Variants in TENM4 observed in about 807,000 individuals in gnomAD.
TENM4 encodes the protein teneurin transmembrane protein 4, also known as teneurin-4.
Under a neutral mutation model 243.3 loss-of-function variants are expected in TENM4, and 82 were observed. That is an observed-to-expected ratio of 0.34 (90% CI 0.28 to 0.40). TENM4 has a LOEUF of 0.40. TENM4 is among the 10% of genes least tolerant of loss of function. TENM4 has a pLI of 1.00. For synonymous variants in TENM4, 1,412 were observed against 1,456.3 expected (o/e 0.97, Z 0.69); for missense variants, 3,138 against 3,673.3 (o/e 0.85, Z 3.77).
chr11:78,768,925 T>C (rs969166981), intron 18 of TENM4, among the ~76,000 whole-genome samples: 1 of 152,210 alleles, frequency 6.6e-6, no homozygotes, highest in Admixed American at 6.5e-5. Context: ...AAGGATACAC[T>C]TGAATTGCAT....
intron 2 of TENM4, among the ~76,000 whole-genome samples, chr11:79,243,321 T>C (rs897413761): frequency 1.3e-5 from 2 of 152,172 alleles, no homozygotes; most frequent in African/African-American, 4.8e-5. Flanking sequence ...TGTCTTGTCG[T>C]TGTACTCGGA....
chr11:79,172,558 C>T (rs937462774), intron 3 of TENM4, among the ~76,000 whole-genome samples: 1 of 152,168 alleles, frequency 6.6e-6, no homozygotes, highest in African/African-American at 2.4e-5. Flanking sequence ...AAGTTATATC[C>T]CACGTGGCCT....
Position 79,139,777 on chromosome 11 carries a change from A to AATATATATATTAT in TENM4, c.-66+8932_-66+8933insATAATATATATAT, listed in dbSNP as rs1231182496. 1.3e-3 allele frequency among the ~76,000 whole-genome samples: 34 copies of AATATATATATTAT among 26,788 alleles called. 6 individuals carry two copies. The South Asian group carries it at 0.019, about 15-fold the overall frequency. 17.6% of individuals were successfully genotyped at this position (26,788 alleles called of 152,430 possible). The stretch of plus-strand genomic sequence containing the variant: ...ATATATTATATTTATATAAATATAT[A>AATATATATATTAT]ATATATATTATATTTATATAAATAT... On this transcript the variant is annotated intron_variant, in intron 4 of 33. Coordinates refer to ENST00000278550, the MANE Select transcript of TENM4 (RefSeq NM_001098816.3).
intron 27 of TENM4, among the ~76,000 whole-genome samples, chr11:78,702,675 CT>C (rs1859137306): frequency 6.6e-6 from 1 of 152,186 alleles, no homozygotes; most frequent in Non-Finnish European, 1.5e-5. Context: ...AAAGGGTAGA[CT>C]TTGGAGTCAA....
At chr11:79,402,620 G>A (rs762679100) in intron 1 of TENM4, among the ~76,000 whole-genome samples, 1 of 152,018 alleles carries the variant, frequency 6.6e-6, no homozygotes, top group Non-Finnish European at 1.5e-5. Context: ...GTGTTTCTGA[G>A]GTCTGATCCA....
intron 4 of TENM4, among the ~76,000 whole-genome samples, chr11:79,108,661 GAGA>G (rs141411795): frequency 0.022 from 3,280 of 152,144 alleles, 115 homozygotes; most frequent in African/African-American, 0.075. Context: ...GTTGTACCCT[GAGA>G]AGGAGACAAC....
intron 15 of TENM4, among the ~76,000 whole-genome samples, chr11:78,793,953 T>C (rs544047051): frequency 6.6e-6 from 1 of 152,248 alleles, no homozygotes; most frequent in Admixed American, 6.5e-5. Context: ...CTATAAGATC[T>C]CTGGAATCAG....
intron 4 of TENM4, among the ~76,000 whole-genome samples, chr11:79,088,811 G>T (rs1023727323): frequency 6.6e-6 from 1 of 152,108 alleles, no homozygotes; most frequent in Admixed American, 6.5e-5. Context: ...CCTACTATAG[G>T]CCCCATCTGT....
intron 2 of TENM4, among the ~76,000 whole-genome samples, chr11:79,263,853 A>T (rs1855838565): frequency 6.6e-6 from 1 of 152,192 alleles, no homozygotes; most frequent in African/African-American, 2.4e-5. Context: ...AGTTTATTGA[A>T]ATCTGTGCAA....
At chr11:78,943,114 C>T (rs552171488) in intron 6 of TENM4, among the ~76,000 whole-genome samples, 78 of 152,288 alleles carry the variant, frequency 5.1e-4, no homozygotes, top group Admixed American at 3.3e-4. Flanking sequence ...GACTTCAACT[C>T]GATATCCTTA....
At chr11:79,425,747 C>G (rs1370839517) in intron 1 of TENM4, among the ~76,000 whole-genome samples, 2 of 152,192 alleles carry the variant, frequency 1.3e-5, no homozygotes, top group Non-Finnish European at 2.9e-5. Flanking sequence ...CTGGTATAAG[C>G]TCTGTGACAT....
intron 2 of TENM4, among the ~76,000 whole-genome samples, chr11:79,230,246 T>C (rs1653880289): frequency 6.6e-6 from 1 of 152,192 alleles, no homozygotes; most frequent in Admixed American, 6.5e-5. Flanking sequence ...TTTCAGGACA[T>C]CACCCCACAC....
intron 1 of TENM4, among the ~76,000 whole-genome samples, chr11:79,386,933 C>A (rs1452223125): frequency 6.6e-6 from 1 of 152,016 alleles, no homozygotes; most frequent in Non-Finnish European, 1.5e-5. Context: ...AAATTAGTAC[C>A]AAAAGACATG....
intron 3 of TENM4, among the ~76,000 whole-genome samples, chr11:79,152,791 G>A (rs1477411818): frequency 6.6e-6 from 1 of 152,186 alleles, no homozygotes; most frequent in Admixed American, 6.5e-5. Context: ...CCTGGACATA[G>A]CCTCCCAAAA....
At chr11:78,698,468 C>T (rs1283742533) in intron 28 of TENM4, among the ~76,000 whole-genome samples, 1 of 152,116 alleles carries the variant, frequency 6.6e-6, no homozygotes, top group Non-Finnish European at 1.5e-5. Context: ...CAATAATAGC[C>T]TATGTCACAG....
At chr11:79,411,771 A>G (rs561199577) in intron 1 of TENM4, among the ~76,000 whole-genome samples, 9 of 152,278 alleles carry the variant, frequency 5.9e-5, no homozygotes, top group African/African-American at 2.2e-4. Context: ...AATGGAAGTG[A>G]TCAAAGCCTT....
intron 1 of TENM4, among the ~76,000 whole-genome samples, chr11:79,384,068 GC>G (rs1397296152): frequency 6.6e-6 from 1 of 152,030 alleles, no homozygotes; most frequent in Admixed American, 6.6e-5. Context: ...CAAATAGCCA[GC>G]CAGACAGACA....
chr11:79,372,064 A>G (rs946777074), intron 1 of TENM4, among the ~76,000 whole-genome samples: 2 of 152,292 alleles, frequency 1.3e-5, no homozygotes, highest in South Asian at 4.1e-4. Context: ...CCCTGCCTCT[A>G]TCCCCCTCGT....
At chr11:79,212,014 C>A (rs1311460615) in intron 3 of TENM4, among the ~76,000 whole-genome samples, 1 of 152,084 alleles carries the variant, frequency 6.6e-6, no homozygotes, top group Non-Finnish European at 1.5e-5. Context: ...GGAAAGAGTC[C>A]AACTTTATGT....
Sources: allele counts gnomAD v4.1 joint callset (sites outside exome capture counted in the v4.1 genomes callset), GRCh38; gene constraint gnomAD v4.1.1; transcripts MANE v1.5; gene names NCBI Gene and HGNC (gene_info 2026-07-23, HGNC 2026-07-21).